The following UBR3 variants were observed in gnomAD, a reference collection of about 807,000 sequenced individuals.
UBR3 encodes E3 ubiquitin-protein ligase UBR3.
UBR3 carries 85 observed loss-of-function variants against 243.2 expected under a neutral mutation model. The ratio of observed to expected loss-of-function variants is 0.35; its 90% CI spans 0.29 to 0.42. The LOEUF is 0.42. Ranked by LOEUF, UBR3 falls within the 10% of genes least tolerant of loss-of-function variation. The pLI is 1.00. For synonymous variants in UBR3, 748 were observed against 799.8 expected, an observed-to-expected ratio of 0.94 and a Z score of 1.09; for missense variants, 1,686 against 2,300.8, an observed-to-expected ratio of 0.73 and a Z score of 5.47.
chr2:169,914,074 T>C lies in UBR3; in HGVS notation c.1794T>C (p.Tyr598=). Reference sequence around the variant, plus strand: ...TACTATTTTAGGAAACTCAAGAGTATACCCGAAATGTTGTTAGATATTGCC... The same window carrying C: ...TACTATTTTAGGAAACTCAAGAGTACACCCGAAATGTTGTTAGATATTGCC... The part of the protein sequence containing the change: ...SHCKVRETQE[Y]TRNVVRYCLE... The change falls in exon 11 of 39, where the codon TAT becomes TAC. Residue 598 remains tyrosine, a synonymous_variant. Transcript: ENST00000272793. 2 of 1,491,244 alleles carry C rather than the reference T, an allele frequency of 1.3e-6. No homozygotes were observed. Among genetic ancestry groups the C allele is most frequent in the Non-Finnish European group, 1.8e-6 (2 of 1,117,540 alleles). 92.4% of individuals were successfully genotyped at this position (1,491,244 alleles called of 1,614,324 possible).
intron 1 of UBR3, among the ~76,000 whole-genome samples, chr2:169,870,759 T>G (rs1484939453): frequency 6.6e-6 from 1 of 152,020 alleles, no homozygotes; most frequent in Non-Finnish European, 1.5e-5. Flanking sequence ...GTTCAAGCGA[T>G]TCTCCTGCCT....
intron 24 of UBR3, among the ~76,000 whole-genome samples, chr2:169,973,474 A>C (rs1016249966): frequency 3.3e-5 from 5 of 151,938 alleles, no homozygotes; most frequent in Admixed American, 2.6e-4. Context: ...CCTAAGCCAA[A>C]AGAACAAAGC....
At chr2:169,983,247 C>G (rs1377288828) in intron 24 of UBR3, among the ~76,000 whole-genome samples, 1 of 131,204 alleles carries the variant, frequency 7.6e-6, no homozygotes, top group Non-Finnish European at 1.5e-5. Flanking sequence ...GCCACATTCT[C>G]TCTCCTTTTT....
chr2:170,021,551 C>A (rs1469458003), intron 30 of UBR3, among the ~76,000 whole-genome samples: 1 of 152,082 alleles, frequency 6.6e-6, no homozygotes, highest in African/African-American at 2.4e-5. Flanking sequence ...CTCAAAGGCC[C>A]CACCTCCTTA....
intron 5 of UBR3, among the ~76,000 whole-genome samples, chr2:169,890,540 G>GAGAGAGAGAGAGAGAGATATATATAT (rs1553504401): frequency 2.6e-5 from 2 of 75,996 alleles, no homozygotes; most frequent in African/African-American, 1.3e-4. Context: ...GAGAGAGAGA[G>GAGAGAGAGAGAGAGAGATATATATAT]ATATATATAT....
intron 33 of UBR3, among the ~76,000 whole-genome samples, chr2:170,058,535 T>G (rs1206028317): frequency 1.1e-4 from 14 of 131,876 alleles, no homozygotes; most frequent in South Asian, 2.3e-4. Context: ...TTTTTTTTTT[T>G]GACAGGGTCT....
Position 169,942,551 on chromosome 2 carries a change from TCACTC to T in UBR3, c.2725_2729del (p.Leu909SerfsTer2). The T allele has an allele frequency of 1.3e-6, 2 of 1,550,642 alleles. No individual in the cohort carries two copies. On this transcript the variant is annotated frameshift_variant, in exon 20 of 39. Transcript: ENST00000272793. LOFTEE classifies it high-confidence loss of function. ...CTGGCCTCCATATAAGAAAAGGACA[TCACTC>T]CATCCTAGCTATAAAGGTCTTATGA... is the stretch of plus-strand genomic sequence containing the variant.
chr2:169,836,061 ATATATAT>A (rs2082096760), intron 1 of UBR3, among the ~76,000 whole-genome samples: 2 of 33,990 alleles, frequency 5.9e-5, no homozygotes, highest in African/African-American at 8.0e-5. Flanking sequence ...ATATATATAT[ATATATAT>A]TTTTTTTTTT....
Position 170,007,160 on chromosome 2 carries a change from G to C in UBR3, c.4200G>C (p.Glu1400Asp). 1 of 1,609,426 alleles carries C rather than the reference G, an allele frequency of 6.2e-7. No individual in the cohort carries two copies. The highest frequency in any genetic ancestry group is 8.5e-7 in the Non-Finnish European group (1 of 1,177,816). Residue 1400 changes from glutamate to aspartate, a missense_variant, in exon 28 of 39, where the codon GAG becomes GAC. By Grantham distance (45) the Glu-to-Asp change is conservative (BLOSUM62 2). This residue lies in a region of UBR3 where 371 missense variants were observed against 422.5 expected (regional missense o/e 0.88). Coordinates refer to ENST00000272793, the MANE Select transcript of UBR3 (RefSeq NM_172070.4). ...TACAAGATCTCATAAAGGAAGTGGA[G>C]GAGCTGCAGGGACGACCGGGAGCTT... ...KSIQDLIKEVEELQGRPGAFP... is the reference protein window; with the variant it reads ...KSIQDLIKEVDELQGRPGAFP...
chr2:170,070,885 T>G (rs2091683116), intron 35 of UBR3, among the ~76,000 whole-genome samples: 1 of 152,126 alleles, frequency 6.6e-6, no homozygotes, highest in African/African-American at 2.4e-5. Context: ...AAAGAAGACT[T>G]GTATCCAGAA....
Position 169,895,253 on chromosome 2 carries a change from A to T in UBR3, c.1178A>T (p.Glu393Val). The change falls in exon 7 of 39, where the codon GAA (glutamate) becomes GTA (valine). Residue 393 changes from glutamate (E) to valine (V), a missense_variant. Coordinates refer to ENST00000272793, the MANE Select transcript of UBR3 (RefSeq NM_172070.4). The part of the protein sequence containing the change: ...EELLFWTIKY[E>V]FPQKMVTFLL... The stretch of plus-strand genomic sequence containing the variant: ...CTATTATTTTGGACTATAAAATATG[A>T]ATTCCCTCAAAAGATGGTAACTTTC... 1 of 1,546,110 alleles carries T rather than the reference A, an allele frequency of 6.5e-7. No individual in the cohort carries two copies. The highest frequency in any genetic ancestry group is 8.7e-7 in the Non-Finnish European group (1 of 1,145,546).
chr2:169,876,061 G>T, intron 3 of UBR3, 112 bp downstream of exon 3: 3 of 928,828 alleles, frequency 3.2e-6, no homozygotes, highest in South Asian at 3.1e-5. Flanking sequence ...GAATGCTAAA[G>T]CTGGAAGTTA....
intron 1 of UBR3, among the ~76,000 whole-genome samples, chr2:169,867,966 A>G (rs1397555074): frequency 2.0e-5 from 3 of 152,176 alleles, no homozygotes; most frequent in Non-Finnish European, 4.4e-5. Flanking sequence ...TAGTATAGAA[A>G]ATTTAAAACA....
chr2:170,057,788 A>T (rs548994056), intron 33 of UBR3, among the ~76,000 whole-genome samples: 1 of 152,132 alleles, frequency 6.6e-6, no homozygotes, highest in Non-Finnish European at 1.5e-5. Flanking sequence ...GCTTATAGCC[A>T]TATAAATATA....
chr2:169,923,865 TACAACCA>T, intron 11 of UBR3, 57 bp from the exon 12 acceptor site: 2 of 1,366,212 alleles, frequency 1.5e-6, no homozygotes, highest in Non-Finnish European at 2.0e-6. Context: ...TTAAACATTT[TACAACCA>T]TCTTAAAATT....
At chr2:169,883,641 G>T (rs1033380566) in intron 5 of UBR3, among the ~76,000 whole-genome samples, 1 of 152,074 alleles carries the variant, frequency 6.6e-6, no homozygotes, top group Admixed American at 6.6e-5. Context: ...GCTAAATAAT[G>T]TACCAATAAT....
chr2:170,022,489 T>C (rs1326547968), intron 30 of UBR3, among the ~76,000 whole-genome samples: 2 of 152,124 alleles, frequency 1.3e-5, no homozygotes, highest in African/African-American at 2.4e-5. Flanking sequence ...ACCTAGCATA[T>C]AGTGCTGGAA....
At chr2:169,882,073 TTATA>T (rs1324339307) in intron 5 of UBR3, among the ~76,000 whole-genome samples, 1 of 126,688 alleles carries the variant, frequency 7.9e-6, no homozygotes, top group East Asian at 2.2e-4. Context: ...TATAATATAA[TTATA>T]TATGTATGTA....
chr2:169,910,973 A>G (rs995464646), intron 10 of UBR3, among the ~76,000 whole-genome samples: 3 of 152,226 alleles, frequency 2.0e-5, no homozygotes, highest in African/African-American at 7.2e-5. Context: ...AAAAAATGTT[A>G]TTTCTCTGTT....
Sources: gnomAD v4.1 joint callset for allele counts (sites outside exome capture counted in the v4.1 genomes callset) on GRCh38, gnomAD v4.1.1 for gene constraint, gnomAD v4.1.1 regional missense constraint, MANE v1.5 for transcripts, NCBI Gene and HGNC (gene_info 2026-07-23, HGNC 2026-07-21) for gene names.